The following DIAPH3 variants were observed in gnomAD, a reference collection of about 807,000 sequenced individuals.
The protein encoded by DIAPH3 is diaphanous related formin 3.
Under a neutral mutation model 144.3 loss-of-function variants are expected in DIAPH3, and 117 were observed. That is an observed-to-expected ratio of 0.81 (90% CI 0.70 to 0.95). The LOEUF is 0.95. Among genes scored for constraint, DIAPH3 ranks in the 40% least tolerant of loss-of-function variants. DIAPH3 has a pLI of 0.00. For missense variants in DIAPH3, 1,421 were observed against 1,412.7 expected, an observed-to-expected ratio of 1.01 and a Z score of -0.09; for synonymous variants, 519 against 488.9, an observed-to-expected ratio of 1.06 and a Z score of -0.81.
chr13:60,118,245 T>A (rs1336985807), intron 2 of DIAPH3, among the ~76,000 whole-genome samples: 1 of 152,148 alleles, frequency 6.6e-6, no homozygotes, highest in East Asian at 1.9e-4. Flanking sequence ...AAAAAAACTA[T>A]CTGAATTTTT....
chr13:59,813,592 A>C (rs2040604785), intron 24 of DIAPH3, among the ~76,000 whole-genome samples: 1 of 152,200 alleles, frequency 6.6e-6, no homozygotes, highest in South Asian at 2.1e-4. Context: ...ACGGTGGCTC[A>C]TGCCTGTAAT....
intron 4 of DIAPH3, among the ~76,000 whole-genome samples, chr13:60,083,151 A>G (rs2057620370): frequency 6.6e-6 from 1 of 152,078 alleles, no homozygotes; most frequent in African/African-American, 2.4e-5. Flanking sequence ...GGAGCCAACT[A>G]GACAAGTCCC....
At chr13:60,139,821 A>G (rs565207370) in intron 1 of DIAPH3, among the ~76,000 whole-genome samples, 1 of 152,352 alleles carries the variant, frequency 6.6e-6, no homozygotes, top group South Asian at 2.1e-4. Context: ...TGGCTAATTT[A>G]GTAACACAGC....
chr13:59,774,484 C>T (rs1566289992), intron 26 of DIAPH3, among the ~76,000 whole-genome samples: 1 of 152,166 alleles, frequency 6.6e-6, no homozygotes, highest in African/African-American at 2.4e-5. Context: ...ACTTGTCACA[C>T]TAATTAGGAT....
At chr13:59,751,738 T>C (rs1273391906) in intron 27 of DIAPH3, among the ~76,000 whole-genome samples, 1 of 152,268 alleles carries the variant, frequency 6.6e-6, no homozygotes, top group Non-Finnish European at 1.5e-5. Context: ...TCTATTATAC[T>C]GTTTTTGAAG....
At chr13:60,120,516 C>T (rs761775612) in intron 2 of DIAPH3, among the ~76,000 whole-genome samples, 1 of 152,152 alleles carries the variant, frequency 6.6e-6, no homozygotes, top group Non-Finnish European at 1.5e-5. Context: ...TCCCTCCCTA[C>T]CAAAAAATAC....
At chr13:59,706,157 T>C (rs2034412274) in intron 27 of DIAPH3, among the ~76,000 whole-genome samples, 1 of 152,158 alleles carries the variant, frequency 6.6e-6, no homozygotes, top group Non-Finnish European at 1.5e-5. Context: ...TAATACAATG[T>C]AAATGCTATA....
chr13:59,699,803 G>C (rs2034000896), intron 27 of DIAPH3, among the ~76,000 whole-genome samples: 1 of 152,108 alleles, frequency 6.6e-6, no homozygotes, highest in Non-Finnish European at 1.5e-5. Flanking sequence ...TTCCAAACTT[G>C]AGTATGCAGC....
chr13:59,666,813 C>T lies in DIAPH3; in HGVS notation c.3353G>A (p.Arg1118His), dbSNP rs781398725. ...NQKVQLTEGS[R>H]SHYNINCNST... ...GTTGCAATTGATATTGTAGTGTGAA[C>T]GTGACCCTTCTGTCAACTGCACTTT... Residue 1118 changes from arginine to histidine, a missense_variant, in exon 28 of 28, where the codon CGT (arginine) becomes CAT (histidine). Coordinates refer to ENST00000400324, the MANE Select transcript of DIAPH3 (RefSeq NM_001042517.2). 39 of 1,613,912 alleles carry T rather than the reference C, an allele frequency of 2.4e-5. 2 individuals carry two copies. Among genetic ancestry groups the T allele is most frequent in the South Asian group, 2.3e-4 (21 of 91,084 alleles).
intron 24 of DIAPH3, among the ~76,000 whole-genome samples, chr13:59,826,720 C>T (rs1335380058): frequency 6.6e-6 from 1 of 151,896 alleles, no homozygotes; most frequent in Non-Finnish European, 1.5e-5. Context: ...GCCCGCATCG[C>T]CAAGTCAATC....
At chr13:59,701,334 C>T (rs2034102562) in intron 27 of DIAPH3, among the ~76,000 whole-genome samples, 1 of 152,132 alleles carries the variant, frequency 6.6e-6, no homozygotes, top group Admixed American at 6.5e-5. Context: ...CTCTGAAATC[C>T]TTAGTTCCCT....
intron 4 of DIAPH3, among the ~76,000 whole-genome samples, chr13:60,045,323 A>G (rs1566706500): frequency 6.6e-6 from 1 of 151,968 alleles, no homozygotes; most frequent in Non-Finnish European, 1.5e-5. Context: ...CTGGGCAACA[A>G]GATTGAAACT....
At chr13:59,697,952 C>T (rs577204618) in intron 27 of DIAPH3, among the ~76,000 whole-genome samples, 2 of 152,270 alleles carry the variant, frequency 1.3e-5, no homozygotes, top group Non-Finnish European at 2.9e-5. Context: ...ATAATAGTTG[C>T]TTTTACATTC....
chr13:59,878,528 GAGA>G (rs1443185714), intron 21 of DIAPH3, among the ~76,000 whole-genome samples: 1 of 152,118 alleles, frequency 6.6e-6, no homozygotes, highest in Non-Finnish European at 1.5e-5. Flanking sequence ...ATGTGTAACT[GAGA>G]AGAATTTGTT....
chr13:59,863,509 A>T (rs1348528096), intron 21 of DIAPH3, among the ~76,000 whole-genome samples: 2 of 152,158 alleles, frequency 1.3e-5, no homozygotes, highest in African/African-American at 4.8e-5. Flanking sequence ...CCAGTAGTGG[A>T]AGAATGGGAG....
intron 17 of DIAPH3, among the ~76,000 whole-genome samples, chr13:59,930,670 G>T (rs1379477070): frequency 6.6e-6 from 1 of 152,124 alleles, no homozygotes; most frequent in Non-Finnish European, 1.5e-5. Context: ...AAGACATTTG[G>T]ATTTTATTCT....
At chr13:59,883,348 T>G (rs1432611565) in intron 20 of DIAPH3, among the ~76,000 whole-genome samples, 1 of 152,196 alleles carries the variant, frequency 6.6e-6, no homozygotes, top group Non-Finnish European at 1.5e-5. Flanking sequence ...CTACTTCTCT[T>G]TATACATTTT....
chr13:60,055,699 C>A (rs1013919629), intron 4 of DIAPH3, among the ~76,000 whole-genome samples: 1 of 151,750 alleles, frequency 6.6e-6, no homozygotes, highest in Non-Finnish European at 1.5e-5. Context: ...CAAAGAATAT[C>A]TACAGTATAT....
intron 4 of DIAPH3, among the ~76,000 whole-genome samples, chr13:60,093,146 T>C (rs2058005185): frequency 6.6e-6 from 1 of 152,194 alleles, no homozygotes; most frequent in Non-Finnish European, 1.5e-5. Flanking sequence ...TCTAGAAAAT[T>C]GGCAGCCATG....
Sources: gnomAD v4.1 joint callset for allele counts (sites outside exome capture counted in the v4.1 genomes callset) on GRCh38, gnomAD v4.1.1 for gene constraint, MANE v1.5 for transcripts, NCBI Gene and HGNC (gene_info 2026-07-23, HGNC 2026-07-21) for gene names.